ANKS1B: variants seen among roughly 807,000 people sequenced by gnomAD.
ANKS1B encodes the protein ankyrin repeat and sterile alpha motif domain containing 1B.
A neutral mutation model predicts 148.3 loss-of-function variants in ANKS1B; 36 were observed. The ratio of observed to expected loss-of-function variants is 0.24; its 90% CI spans 0.19 to 0.32. The LOEUF (loss-of-function observed/expected upper bound fraction) is 0.32. Ranked by LOEUF, ANKS1B falls within the 10% of genes least tolerant of loss-of-function variation. The pLI, the probability that ANKS1B is intolerant of heterozygous loss-of-function variation, is 1.00. For missense variants in ANKS1B, 1,157 were observed against 1,542.6 expected, an observed-to-expected ratio of 0.75 and a Z score of 4.19; for synonymous variants, 542 against 560.8, an observed-to-expected ratio of 0.97 and a Z score of 0.47.
chr12:99,294,313 T>C (rs1382010256), intron 12 of ANKS1B, among the ~76,000 whole-genome samples: 1 of 152,204 alleles, frequency 6.6e-6, no homozygotes, highest in Non-Finnish European at 1.5e-5. Context: ...GAAAATGTGG[T>C]ATATACACAT....
In ANKS1B at chr12:99,828,988, T is replaced by A. The variant is rs12312278; in HGVS notation, c.135-3599A>T. 3.4e-3 allele frequency among the ~76,000 whole-genome samples: 507 copies of A among 149,150 alleles called. 5 individuals are homozygous for A. The highest frequency in any genetic ancestry group is 0.012 in the African/African-American group (469 of 40,418). On this transcript the variant is annotated intron_variant, in intron 1 of 26. Coordinates refer to ENST00000683438, the MANE Select transcript of ANKS1B (RefSeq NM_001352186.2). The stretch of plus-strand genomic sequence containing the variant: ...ACAGAATGAGACTCTGTCTCAAAAA[T>A]AAAAAGTAAAAAATAAAGCTCATGA...
At chr12:99,789,886 A>T (rs1212694602) in intron 4 of ANKS1B, among the ~76,000 whole-genome samples, 1 of 152,188 alleles carries the variant, frequency 6.6e-6, no homozygotes, top group Non-Finnish European at 1.5e-5. Context: ...CAAGAGGGCA[A>T]ATCTAAAAGT....
intron 9 of ANKS1B, among the ~76,000 whole-genome samples, chr12:99,595,101 T>C (rs887722354): frequency 7.9e-5 from 12 of 151,974 alleles, no homozygotes; most frequent in Non-Finnish European, 1.2e-4. Context: ...ATCAGTGAAA[T>C]AGAGACATAA....
intron 4 of ANKS1B, among the ~76,000 whole-genome samples, chr12:99,783,771 C>T (rs531687261): frequency 4.6e-5 from 7 of 151,786 alleles, no homozygotes; most frequent in South Asian, 2.1e-4. Flanking sequence ...TGATTGACTG[C>T]GAAATTACAG....
chr12:99,746,845 C>T (rs12821614), intron 8 of ANKS1B, among the ~76,000 whole-genome samples: 66,378 of 151,774 alleles, frequency 0.44, 14,926 homozygotes, highest in South Asian at 0.61. Flanking sequence ...TGTAACATGA[C>T]TGCAAGAGTA....
chr12:98,792,563 T>C (rs540639265), intron 22 of ANKS1B, among the ~76,000 whole-genome samples: 1 of 152,288 alleles, frequency 6.6e-6, no homozygotes, highest in East Asian at 1.9e-4. Flanking sequence ...TACCTAATTG[T>C]AAGTTTGTTA....
At chr12:98,952,294 G>A (rs574137848) in intron 17 of ANKS1B, among the ~76,000 whole-genome samples, 2 of 152,336 alleles carry the variant, frequency 1.3e-5, no homozygotes, top group Admixed American at 6.5e-5. Flanking sequence ...CACAGAGCAG[G>A]CAGGTAACAA....
intron 17 of ANKS1B, among the ~76,000 whole-genome samples, chr12:98,944,302 C>CACAAA: frequency 1.1e-5 from 1 of 88,046 alleles, no homozygotes; most frequent in South Asian, 4.7e-4. Context: ...CTCCACCTCA[C>CACAAA]AAAAAAAAAA....
At chr12:99,477,534 G>C (rs2152924944) in intron 10 of ANKS1B, among the ~76,000 whole-genome samples, 1 of 152,204 alleles carries the variant, frequency 6.6e-6, no homozygotes, top group African/African-American at 2.4e-5. Flanking sequence ...ATGCCACCTT[G>C]AGTAAGTTAC....
At chr12:99,115,490 G>A (rs1460588258) in intron 15 of ANKS1B, among the ~76,000 whole-genome samples, 1 of 152,138 alleles carries the variant, frequency 6.6e-6, no homozygotes, top group Non-Finnish European at 1.5e-5. Flanking sequence ...TGGGAGAAGG[G>A]AGAAGAGCAG....
chr12:99,499,398 C>A (rs2096634779), intron 10 of ANKS1B, among the ~76,000 whole-genome samples: 2 of 152,058 alleles, frequency 1.3e-5, no homozygotes, highest in African/African-American at 4.8e-5. Flanking sequence ...AAGTCTTTAC[C>A]CAATTTTAAC....
chr12:99,610,998 T>C (rs756496236), intron 9 of ANKS1B, among the ~76,000 whole-genome samples: 1 of 152,088 alleles, frequency 6.6e-6, no homozygotes, highest in South Asian at 2.1e-4. Flanking sequence ...AAAGGTTCTA[T>C]AATCACATAA....
At chr12:99,503,800 C>G (rs1595983441) in intron 10 of ANKS1B, among the ~76,000 whole-genome samples, 1 of 151,736 alleles carries the variant, frequency 6.6e-6, no homozygotes, top group Non-Finnish European at 1.5e-5. Flanking sequence ...CAGAATTTTT[C>G]TTACAACTCC....
Position 99,246,780 on chromosome 12 carries a change from G to C in ANKS1B, c.1841C>G (p.Pro614Arg). 1.9e-6 allele frequency: 3 copies of C among 1,613,598 alleles called. No individual in the cohort carries two copies. Among genetic ancestry groups the C allele is most frequent in the Non-Finnish European group, 2.5e-6 (3 of 1,179,798 alleles). ...QFAGLLHGSS[P>R]ACESPENPFH... ...TGGATTTTCAGGGGACTCACAGGCT[G>C]GAGAGGATCCATGGAGCAGGCCTGC... Residue 614 changes from proline to arginine, a missense_variant, in exon 13 of 27, where the codon CCA becomes CGA. Transcript: ENST00000683438.
chr12:98,913,322 C>G lies in ANKS1B; in HGVS notation c.2779-81186G>C, dbSNP rs1311610126. Among the ~76,000 whole-genome samples the G allele has an allele frequency of 2.0e-5, 3 of 152,156 alleles. No homozygotes were observed. The South Asian group carries it at 6.2e-4, about 32-fold the overall frequency. ...GTTCCTAGCTTGGACCTCAACCCCT[C>G]CTCCTTGACATTCAGGACCATACTC... On this transcript the variant is annotated intron_variant, in intron 17 of 26. Coordinates refer to ENST00000683438, the MANE Select transcript of ANKS1B (RefSeq NM_001352186.2).
At chr12:99,568,404 G>GCTTA (rs2153220080) in intron 9 of ANKS1B, among the ~76,000 whole-genome samples, 1 of 152,144 alleles carries the variant, frequency 6.6e-6, no homozygotes, top group Non-Finnish European at 1.5e-5. Flanking sequence ...AAAATCCTTG[G>GCTTA]CTTACTCACA....
chr12:99,034,187 T>A (rs1361414402), intron 17 of ANKS1B, among the ~76,000 whole-genome samples: 1 of 152,026 alleles, frequency 6.6e-6, no homozygotes, highest in Non-Finnish European at 1.5e-5. Flanking sequence ...AAAGCAGCAA[T>A]AGGAGTGGAG....
intron 12 of ANKS1B, among the ~76,000 whole-genome samples, chr12:99,276,457 A>G (rs534847492): frequency 6.6e-6 from 1 of 152,314 alleles, no homozygotes; most frequent in Non-Finnish European, 1.5e-5. Flanking sequence ...GGAAATTTGG[A>G]CATGCTGAGA....
intron 14 of ANKS1B, among the ~76,000 whole-genome samples, chr12:99,193,415 A>C (rs2080989861): frequency 1.3e-5 from 2 of 152,198 alleles, no homozygotes; most frequent in African/African-American, 4.8e-5. Context: ...AGTTCCTTCC[A>C]GTTTATTACA....
Sources: gnomAD v4.1 joint callset for allele counts (sites outside exome capture counted in the v4.1 genomes callset) on GRCh38, gnomAD v4.1.1 for gene constraint, MANE v1.5 for transcripts, NCBI Gene and HGNC (gene_info 2026-07-23, HGNC 2026-07-21) for gene names.